The following ZNF791 variants were observed in gnomAD, a reference collection of about 807,000 sequenced individuals.
The protein encoded by ZNF791 is zinc finger protein 791.
ZNF791 carries 4 observed loss-of-function variants against 11.5 expected under a neutral mutation model. The observed-to-expected ratio is 0.35, with a 90% confidence interval of 0.17 to 0.80. The LOEUF is 0.80. Ranked by LOEUF, ZNF791 falls within the 30% of genes least tolerant of loss-of-function variation. ZNF791 has a pLI of 0.53. For synonymous variants in ZNF791, 212 were observed against 228.1 expected, an observed-to-expected ratio of 0.93 and a Z score of 0.64; for missense variants, 559 against 699.4, an observed-to-expected ratio of 0.80 and a Z score of 2.26.
rs745637447 is a variant in ZNF791 at position 12,611,003 on chromosome 19, C to G, written c.-77C>G. ...CTTGACGCGTCAGGTTGCTGTACCC[C>G]TGCATCGGATGCGCTGTACCCTGCG... is the stretch of plus-strand genomic sequence containing the variant. On this transcript the variant is annotated 5_prime_UTR_variant, in exon 1 of 4. Coordinates refer to ENST00000343325, the MANE Select transcript of ZNF791 (RefSeq NM_153358.3). The G allele has an allele frequency of 6.2e-7, 1 of 1,603,936 alleles. No individual in the cohort carries two copies. The highest frequency in any genetic ancestry group is 8.5e-7 in the Non-Finnish European group (1 of 1,171,320).
intron 1 of ZNF791, among the ~76,000 whole-genome samples, chr19:12,616,049 A>G (rs2023241680): frequency 6.6e-6 from 1 of 152,200 alleles, no homozygotes; most frequent in Non-Finnish European, 1.5e-5. Flanking sequence ...TCCATTGGCA[A>G]GGAATGAGAA....
rs190055343 is a variant in ZNF791, at chr19:12,632,268, T to C, written c.*3008T>C. The stretch of plus-strand genomic sequence containing the variant: ...TTGAGCCACCGCACCCGGCCTGAAG[T>C]GTATTTTTTTTTTCTTTTAAAGACC... On this transcript the variant is annotated 3_prime_UTR_variant, in exon 4 of 4. Transcript: ENST00000343325. The C allele has an allele frequency of 6.6e-6, 1 of 152,018 alleles. No individual in the cohort carries two copies. The highest frequency in any genetic ancestry group is 6.6e-5 in the Admixed American group (1 of 15,250). 9.4% of individuals were successfully genotyped at this position (152,018 alleles called of 1,614,324 possible).
intron 1 of ZNF791, among the ~76,000 whole-genome samples, chr19:12,611,780 T>G (rs750781249): frequency 6.6e-5 from 10 of 152,194 alleles, no homozygotes; most frequent in Admixed American, 2.0e-4. Context: ...TGGGAACTCC[T>G]TTGCGTTGAG....
chr19:12,622,574 G>A (rs1011689701), intron 1 of ZNF791, among the ~76,000 whole-genome samples: 5 of 151,730 alleles, frequency 3.3e-5, no homozygotes, highest in Admixed American at 6.6e-5. Flanking sequence ...ACTTGGGGCC[G>A]AGAGTTAAAG....
At chr19:12,619,934 A>AT (rs2023312010) in intron 1 of ZNF791, among the ~76,000 whole-genome samples, 2 of 144,880 alleles carry the variant, frequency 1.4e-5, no homozygotes, top group Admixed American at 6.9e-5. Context: ...TTATTTATTT[A>AT]TTTTTTTGAG....
intron 3 of ZNF791, among the ~76,000 whole-genome samples, chr19:12,625,867 CAG>C (rs769302593): frequency 6.6e-6 from 1 of 151,252 alleles, no homozygotes; most frequent in African/African-American, 2.4e-5. Flanking sequence ...TTTTGTGAAA[CAG>C]AGTCTCGCTC....
At chr19:12,627,204 A>C (rs961435910) in intron 3 of ZNF791, among the ~76,000 whole-genome samples, 17 of 151,724 alleles carry the variant, frequency 1.1e-4, no homozygotes, top group African/African-American at 3.9e-4. Context: ...AAAAAAAAAA[A>C]CCCATACCTC....
chr19:12,626,457 AT>A (rs1599327130), intron 3 of ZNF791, among the ~76,000 whole-genome samples: 2 of 146,184 alleles, frequency 1.4e-5, no homozygotes, highest in Admixed American at 1.4e-4. Flanking sequence ...CCAATTTTGT[AT>A]TTTTTAGTAG....
At chr19:12,620,795 C>T (rs1161034865) in intron 1 of ZNF791, among the ~76,000 whole-genome samples, 2 of 127,426 alleles carry the variant, frequency 1.6e-5, no homozygotes, top group Admixed American at 8.6e-5. Flanking sequence ...GAGTCTCGCT[C>T]TGTTGCCCAG....
In ZNF791 at chr19:12,629,157, C is replaced by A. The variant is rs147859567; in HGVS notation, c.1628C>A (p.Thr543Lys). The A allele has an allele frequency of 6.3e-7, 1 of 1,596,184 alleles. No individual in the cohort carries two copies. Among genetic ancestry groups the A allele is most frequent in the Non-Finnish European group, 8.5e-7 (1 of 1,172,942 alleles). The change falls in exon 4 of 4, where the codon ACA becomes AAA. Residue 543 changes from threonine (T) to lysine (K), a missense_variant. Physicochemically the swap from Thr to Lys is moderately conservative, Grantham distance 78. Coordinates refer to ENST00000343325, the MANE Select transcript of ZNF791 (RefSeq NM_153358.3). ...FSLHSSFQRHTRIHNYEKPLE... is the reference protein window; with the variant it reads ...FSLHSSFQRHKRIHNYEKPLE... Reference sequence around the variant, plus strand: ...CTTCACAGTTCCTTTCAAAGACATACAAGAATTCACAATTATGAGAAACCT... The same window carrying A: ...CTTCACAGTTCCTTTCAAAGACATAAAAGAATTCACAATTATGAGAAACCT...
rs769877128 is a variant in ZNF791 at position 12,628,753 on chromosome 19, A to T, written c.1224A>T (p.Gly408=). 1.2e-6 allele frequency: 2 copies of T among 1,606,602 alleles called. No individual in the cohort carries two copies. The highest frequency in any genetic ancestry group is 8.5e-7 in the Non-Finnish European group (1 of 1,177,636). The change falls in exon 4 of 4, where the codon GGA becomes GGT. Residue 408 remains glycine, a synonymous_variant. Coordinates refer to ENST00000343325, the MANE Select transcript of ZNF791 (RefSeq NM_153358.3). ...AAATCCACAAGAGAAATCACACTGG[A>T]GAAAAACCCTATGAGTGTAAGGAAT... ...DLKIHKRNHT[G]EKPYECKECA...
At chr19:12,624,214 G>A (rs561044518) in intron 2 of ZNF791, among the ~76,000 whole-genome samples, 19 of 135,908 alleles carry the variant, frequency 1.4e-4, no homozygotes, top group Non-Finnish European at 2.2e-4. Flanking sequence ...GTGCAGTGGC[G>A]GGATCTTGGC....
Position 12,629,565 on chromosome 19 carries a change from T to G in ZNF791, c.*305T>G, listed in dbSNP as rs558302577. On this transcript the variant is annotated 3_prime_UTR_variant, in exon 4 of 4. Transcript: ENST00000343325. ...AGTGTTTATGGTGCTGGTGTAAACG[T>G]GCTGCACTTTCAGTTGTATAAAAGT... 14 of 191,412 alleles carry G rather than the reference T, an allele frequency of 7.3e-5. No homozygotes were observed. The highest frequency in any genetic ancestry group is 3.3e-4 in the African/African-American group (14 of 43,024). 11.9% of individuals were successfully genotyped at this position (191,412 alleles called of 1,614,324 possible).
At position 12,623,872 on chromosome 19, in the gene ZNF791, G is replaced by T. The variant is rs573397973; in HGVS notation, c.130+46G>T. On this transcript the variant is annotated intron_variant, in intron 2 of 3. Coordinates refer to ENST00000343325, the MANE Select transcript of ZNF791 (RefSeq NM_153358.3). ...TCTTTTTTCTTTTTTTTTTTTTTTG[G>T]GGGGGGACAGAGTTTCACTATTGTC... The T allele has an allele frequency of 4.5e-5, 45 of 1,003,924 alleles. 3 individuals are homozygous for T. Among genetic ancestry groups the T allele is most frequent in the East Asian group, 7.3e-5 (3 of 41,062 alleles). 62.2% of individuals were successfully genotyped at this position (1,003,924 alleles called of 1,614,324 possible).
chr19:12,626,087 G>C (rs917931402), intron 3 of ZNF791, among the ~76,000 whole-genome samples: 10 of 152,186 alleles, frequency 6.6e-5, no homozygotes, highest in Non-Finnish European at 1.2e-4. Context: ...CGCAATCTCG[G>C]CTCACTGCAA....
In ZNF791 at chr19:12,628,832, A is replaced by G; in HGVS notation, c.1303A>G (p.Thr435Ala). Reference protein sequence around the residue: ...ENFRRHMITHTGDGPYKCRDC... With the variant: ...ENFRRHMITHAGDGPYKCRDC... ...CTTTCGAAGACACATGATCACCCAC[A>G]CTGGAGACGGACCTTATAAATGTAG... The change falls in exon 4 of 4, where the codon ACT becomes GCT. Residue 435 changes from threonine (T) to alanine (A), a missense_variant. Coordinates refer to ENST00000343325, the MANE Select transcript of ZNF791 (RefSeq NM_153358.3). 7 of 1,614,166 alleles carry G rather than the reference A, an allele frequency of 4.3e-6. No individual in the cohort carries two copies. The highest frequency in any genetic ancestry group is 5.9e-6 in the Non-Finnish European group (7 of 1,180,032).
chr19:12,629,304 A>T lies in ZNF791; in HGVS notation c.*44A>T, dbSNP rs1170988597. 33 of 1,390,050 alleles carry T rather than the reference A, an allele frequency of 2.4e-5. No individual in the cohort carries two copies. Among genetic ancestry groups the T allele is most frequent in the Non-Finnish European group, 3.0e-5 (32 of 1,052,118 alleles). The allele number at this position is 1,390,050 out of a possible 1,614,324, so 86.1% of individuals were successfully genotyped here. A position where few individuals can be genotyped will look rare whatever the true frequency, so the allele number is the denominator to read the frequency against. The stretch of plus-strand genomic sequence containing the variant: ...AAATAGGAGAAAGTTTTCAATTCTA[A>T]CAGATGCTTTCAAAGTTGTGAAAAT... On this transcript the variant is annotated 3_prime_UTR_variant, in exon 4 of 4. Coordinates refer to ENST00000343325, the MANE Select transcript of ZNF791 (RefSeq NM_153358.3).
chr19:12,628,824 T>C lies in ZNF791; in HGVS notation c.1295T>C (p.Ile432Thr). 1 of 1,613,948 alleles carries C rather than the reference T, an allele frequency of 6.2e-7. No homozygotes were observed. The highest frequency in any genetic ancestry group is 1.1e-5 in the South Asian group (1 of 91,070). Residue 432 changes from isoleucine to threonine, a missense_variant, in exon 4 of 4, where the codon ATC becomes ACC. Ile to Thr is a moderately conservative substitution (Grantham distance 89, BLOSUM62 -1). Transcript: ENST00000343325. ...CTTGAGAACTTTCGAAGACACATGA[T>C]CACCCACACTGGAGACGGACCTTAT... ...ISLENFRRHMITHTGDGPYKC... is the reference protein window; with the variant it reads ...ISLENFRRHMTTHTGDGPYKC...
intron 2 of ZNF791, 151 bp from the exon 3 acceptor site, chr19:12,624,499 T>A: frequency 1.7e-6 from 1 of 575,314 alleles, no homozygotes; most frequent in Non-Finnish European, 2.9e-6. Flanking sequence ...CATTTCTTGC[T>A]CATAATCACT....
Sources: gnomAD v4.1 joint callset for allele counts (sites outside exome capture counted in the v4.1 genomes callset) on GRCh38, gnomAD v4.1.1 for gene constraint, MANE v1.5 for transcripts, NCBI Gene and HGNC (gene_info 2026-07-23, HGNC 2026-07-21) for gene names.